The following LRRK1 variants were observed in gnomAD, a reference collection of about 807,000 sequenced individuals.
LRRK1 encodes leucine-rich repeat serine/threonine-protein kinase 1.
A neutral mutation model predicts 209.1 loss-of-function variants in LRRK1; 113 were observed. That is an observed-to-expected ratio of 0.54 (90% CI 0.46 to 0.63). LRRK1 has a LOEUF of 0.63. Among genes scored for constraint, LRRK1 ranks in the 30% least tolerant of loss-of-function variants. The probability of loss-of-function intolerance (pLI) is 0.00; values close to 1 mark genes in which losing one functional copy is unlikely to be tolerated. For synonymous variants in LRRK1, 1,144 were observed against 1,099.7 expected (o/e 1.04, Z -0.80); for missense variants, 2,284 against 2,632.2 (o/e 0.87, Z 2.89).
At chr15:100,967,362 T>C (rs2030531472) in intron 2 of LRRK1, among the ~76,000 whole-genome samples, 1 of 152,230 alleles carries the variant, frequency 6.6e-6, no homozygotes, top group South Asian at 2.1e-4. Flanking sequence ...TGTGTTGGCA[T>C]CTCAGGAATG....
At position 100,955,018 on chromosome 15, in the gene LRRK1, A is replaced by AT. The variant is rs35535648; in HGVS notation, c.98-18777dup. 8.5e-4 allele frequency among the ~76,000 whole-genome samples: 130 copies of AT among 152,078 alleles called. 1 individual carries two copies. The highest frequency in any genetic ancestry group is 3.1e-3 in the African/African-American group (129 of 41,468). ...TCTGTGGTTCCATACAAATTTTAGG[A>AT]TTTTTTTTTCTATTTTTGTGAAAAA... On this transcript the variant is annotated intron_variant, in intron 2 of 33. Transcript: ENST00000388948.
At chr15:101,062,976 A>G (rs144759679) in intron 31 of LRRK1, among the ~76,000 whole-genome samples, 2 of 152,176 alleles carry the variant, frequency 1.3e-5, no homozygotes, top group East Asian at 3.9e-4. Context: ...TGTTGGTACA[A>G]ATGGCACGGT....
chr15:100,958,270 C>G (rs2042805712), intron 2 of LRRK1, among the ~76,000 whole-genome samples: 1 of 152,150 alleles, frequency 6.6e-6, no homozygotes, highest in African/African-American at 2.4e-5. Context: ...TCAGAGTAAA[C>G]AATTGGGGCC....
chr15:100,955,510 C>A (rs34143840), intron 2 of LRRK1, among the ~76,000 whole-genome samples: 16,511 of 152,122 alleles, frequency 0.11, 937 homozygotes, highest in Non-Finnish European at 0.12. Context: ...TACCTAATTT[C>A]TCTGGCTAGG....
intron 13 of LRRK1, 31 bp from the exon 14 acceptor site, chr15:101,021,808 GTGTGTA>G (rs1309170827): frequency 2.1e-5 from 15 of 724,672 alleles, no homozygotes; most frequent in Non-Finnish European, 3.1e-5. Flanking sequence ...GTGTGTGTGT[GTGTGTA>G]TTCTCTCGTG....
rs139194504 is a variant in LRRK1, at chr15:100,964,413, G to A, written c.98-9391G>A. Among the ~76,000 whole-genome samples, 1,168 of 152,316 alleles carry A rather than the reference G, an allele frequency of 7.7e-3. 18 individuals carry two copies. Among genetic ancestry groups the A allele is most frequent in the African/African-American group, 0.027 (1,123 of 41,564 alleles). On this transcript the variant is annotated intron_variant, in intron 2 of 33. Transcript: ENST00000388948. The stretch of plus-strand genomic sequence containing the variant: ...TTCCAGTGGAAGGCTGGCAAAGCTA[G>A]GGCAACAGAGGGCGAGCCCCCAAAG...
At chr15:100,971,897 T>C (rs1337073041) in intron 2 of LRRK1, among the ~76,000 whole-genome samples, 1 of 152,230 alleles carries the variant, frequency 6.6e-6, no homozygotes, top group Non-Finnish European at 1.5e-5. Context: ...GTTTGTCTTT[T>C]TGTGCCTGCT....
In LRRK1 at chr15:101,075,068, C is replaced by A. The variant is rs570204019; in HGVS notation, c.*6220C>A. On this transcript the variant is annotated 3_prime_UTR_variant, in exon 34 of 34. Transcript: ENST00000388948. The stretch of plus-strand genomic sequence containing the variant: ...TAGACCATCACGGACGCCGAGCTGC[C>A]AGTAACTCTCACAGTGGAAGGTAAA... The A allele has an allele frequency of 5.4e-5, 4 of 73,796 alleles. No individual in the cohort carries two copies. Among genetic ancestry groups the A allele is most frequent in the African/African-American group, 1.2e-4 (2 of 16,976 alleles). 4.6% of individuals were successfully genotyped at this position (73,796 alleles called of 1,614,324 possible).
chr15:100,951,204 A>C (rs1178533294), intron 2 of LRRK1, among the ~76,000 whole-genome samples: 1 of 152,264 alleles, frequency 6.6e-6, no homozygotes, highest in African/African-American at 2.4e-5. Flanking sequence ...AACATCATTA[A>C]TCATTATGGA....
At chr15:101,049,050 C>A (rs917524788) in intron 22 of LRRK1, among the ~76,000 whole-genome samples, 2 of 152,212 alleles carry the variant, frequency 1.3e-5, no homozygotes, top group African/African-American at 2.4e-5. Flanking sequence ...GATGCTGAGA[C>A]TCCTCAGCCC....
chr15:100,965,685 C>T (rs1356516682), intron 2 of LRRK1, among the ~76,000 whole-genome samples: 1 of 151,906 alleles, frequency 6.6e-6, no homozygotes, highest in Non-Finnish European at 1.5e-5. Flanking sequence ...AAACTAGCAA[C>T]ACCAACCAAA....
At chr15:101,018,787 C>G (rs575279068) in intron 12 of LRRK1, among the ~76,000 whole-genome samples, 1 of 152,304 alleles carries the variant, frequency 6.6e-6, no homozygotes, top group South Asian at 2.1e-4. Flanking sequence ...CCTCTTGATT[C>G]TTTAAACTTC....
At chr15:101,065,281 T>C (rs537212385) in intron 31 of LRRK1, 71 bp from the exon 32 acceptor site, 20 of 1,553,536 alleles carry the variant, frequency 1.3e-5, no homozygotes, top group Non-Finnish European at 1.7e-5. Context: ...ATGAGTCCAG[T>C]GCCTACTCTG....
chr15:100,932,007 C>T (rs867233843), intron 2 of LRRK1, among the ~76,000 whole-genome samples: 13 of 149,210 alleles, frequency 8.7e-5, no homozygotes, highest in Non-Finnish European at 1.3e-4. Context: ...TGTTTTGAGA[C>T]GGAGTTTCAT....
chr15:100,992,095 G>A (rs1469693743), intron 6 of LRRK1, among the ~76,000 whole-genome samples: 1 of 151,890 alleles, frequency 6.6e-6, no homozygotes, highest in Admixed American at 6.5e-5. Flanking sequence ...TACAGTTTCT[G>A]CATCTGTGTT....
rs1285450350 is a variant in LRRK1 at position 101,069,785 on chromosome 15, C to T, written c.*937C>T. The stretch of plus-strand genomic sequence containing the variant: ...AAATTATGTATTTGCTAAACATTCA[C>T]TGCACACGTGTACAGCGGAGTACGA... On this transcript the variant is annotated 3_prime_UTR_variant, in exon 34 of 34. Transcript: ENST00000388948. 1.3e-5 allele frequency: 2 copies of T among 152,658 alleles called. No homozygotes were observed. Among genetic ancestry groups the T allele is most frequent in the African/African-American group, 4.8e-5 (2 of 41,456 alleles). The allele number at this position is 152,658 out of a possible 1,614,324, so 9.5% of individuals were successfully genotyped here.
At chr15:100,965,641 C>T (rs887041399) in intron 2 of LRRK1, among the ~76,000 whole-genome samples, 1 of 152,166 alleles carries the variant, frequency 6.6e-6, no homozygotes, top group Non-Finnish European at 1.5e-5. Flanking sequence ...TTTCCCTAAC[C>T]AGTTCCTACT....
chr15:101,013,090 C>T (rs933719585), intron 10 of LRRK1, among the ~76,000 whole-genome samples: 6 of 151,476 alleles, frequency 4.0e-5, no homozygotes, highest in Admixed American at 3.3e-4. Flanking sequence ...TTGTCCAGAG[C>T]TTCACTGTGG....
At chr15:101,037,336 C>A (rs1188659912) in intron 20 of LRRK1, among the ~76,000 whole-genome samples, 1 of 152,152 alleles carries the variant, frequency 6.6e-6, no homozygotes, top group Non-Finnish European at 1.5e-5. Flanking sequence ...GTAGGCCCAA[C>A]CTTAGGCCCT....
Sources: allele counts gnomAD v4.1 joint callset (sites outside exome capture counted in the v4.1 genomes callset), GRCh38; gene constraint gnomAD v4.1.1; transcripts MANE v1.5; gene names NCBI Gene and HGNC (gene_info 2026-07-23, HGNC 2026-07-21).